CRYBA4: variants seen among roughly 807,000 people sequenced by gnomAD.
CRYBA4 encodes beta-crystallin A4.
A neutral mutation model predicts 31.7 loss-of-function variants in CRYBA4; 30 were observed. That is an observed-to-expected ratio of 0.95 (90% CI 0.71 to 1.28). The LOEUF (loss-of-function observed/expected upper bound fraction) is 1.28, where lower values mean the gene tolerates loss of function less well. CRYBA4 is among the 50% of genes most tolerant of loss of function. The pLI is 0.00. For missense variants in CRYBA4, 225 were observed against 260.7 expected (o/e 0.86, Z 0.94); for synonymous variants, 102 against 102.3 (o/e 1.00, Z 0.02).
rs908216207 is a variant in CRYBA4 at position 26,622,712 on chromosome 22, C to T, written c.39+77C>T. 4.7e-6 allele frequency: 5 copies of T among 1,074,738 alleles called. No homozygotes were observed. In the Admixed American group the frequency reaches 6.8e-5, roughly 15 times the overall value. 66.6% of individuals were successfully genotyped at this position (1,074,738 alleles called of 1,614,324 possible). ...GTCCCCATGAATCCTAGGAGGGGGG[C>T]ATTATAAATGCCTATTTCACAGAGG... On this transcript the variant is annotated intron_variant, in intron 2 of 5. Coordinates refer to ENST00000354760, the MANE Select transcript of CRYBA4 (RefSeq NM_001886.3).
the CRYBA4 span, among the ~76,000 whole-genome samples, chr22:26,606,420 T>C: frequency 6.6e-6 from 1 of 152,246 alleles, no homozygotes; most frequent in Non-Finnish European, 1.5e-5. Flanking sequence ...TTTACACTTA[T>C]GACACATCTC....
Position 26,628,318 on chromosome 22 carries a change from G to A in CRYBA4, c.331G>A (p.Glu111Lys), listed in dbSNP as rs140200694. 3.2e-5 allele frequency: 51 copies of A among 1,613,822 alleles called. No individual in the cohort carries two copies. Among genetic ancestry groups the A allele is most frequent in the East Asian group, 8.9e-5 (4 of 44,878 alleles). Residue 111 changes from glutamate to lysine, a missense_variant, in exon 5 of 6, where the codon GAG (glutamate) becomes AAG (lysine). Glu to Lys is a moderately conservative substitution (Grantham distance 56). Transcript: ENST00000354760. ...NHRDSRLTIF[E>K]QENFLGKKGE... ...CCGTGACTCGAGGCTGACAATCTTCGAGCAAGAGAACTTCCTGGGCAAGAA... is the reference window on the plus strand; with the variant it reads ...CCGTGACTCGAGGCTGACAATCTTCAAGCAAGAGAACTTCCTGGGCAAGAA...
the CRYBA4 span, chr22:26,612,220 C>G: frequency 6.7e-7 from 1 of 1,486,110 alleles, no homozygotes; most frequent in Non-Finnish European, 9.4e-7. Flanking sequence ...ATGCCAAGGG[C>G]AGAGTGAGGG....
At chr22:26,601,769 G>A in the CRYBA4 span, 1 of 1,556,606 alleles carries the variant, frequency 6.4e-7, no homozygotes, top group East Asian at 2.3e-5. Context: ...ACTGTGGAAG[G>A]GGCCATGGCC....
chr22:26,599,358 C>A, the CRYBA4 span: 12 of 817,436 alleles, frequency 1.5e-5, no homozygotes, highest in Non-Finnish European at 2.4e-5. Context: ...TATGGGGGAC[C>A]TCAAGGCACA....
At chr22:26,629,816 A>C (rs145853535) in intron 5 of CRYBA4, among the ~76,000 whole-genome samples, 1 of 150,916 alleles carries the variant, frequency 6.6e-6, no homozygotes, top group African/African-American at 2.4e-5. Flanking sequence ...GGAAGGAGGG[A>C]GAAAGGGGAA....
the CRYBA4 span, among the ~76,000 whole-genome samples, chr22:26,609,888 A>G: frequency 2.0e-5 from 3 of 152,198 alleles, no homozygotes; most frequent in Non-Finnish European, 4.4e-5. Flanking sequence ...ACTTTGTTGC[A>G]TCTACCTTGT....
chr22:26,605,735 G>C, the CRYBA4 span, among the ~76,000 whole-genome samples: 1 of 144,608 alleles, frequency 6.9e-6, no homozygotes, highest in African/African-American at 2.5e-5. Context: ...GGTTCAAGTA[G>C]AAGATGGTCA....
the CRYBA4 span, chr22:26,612,204 G>T: frequency 1.3e-6 from 2 of 1,582,752 alleles, no homozygotes; most frequent in Non-Finnish European, 1.7e-6. Flanking sequence ...CAGGAGAGAA[G>T]CCCCCATGCC....
At chr22:26,619,695 G>A (rs973735520), upstream of CRYBA4, among the ~76,000 whole-genome samples, 3 of 152,196 alleles carry the variant, frequency 2.0e-5, no homozygotes, top group African/African-American at 7.2e-5. Context: ...GCCAAGACTT[G>A]GTGGGTGGGG....
intron 3 of CRYBA4, 37 bp downstream of exon 3, chr22:26,623,389 G>A (rs757672469): frequency 6.7e-7 from 1 of 1,495,274 alleles, no homozygotes; most frequent in Non-Finnish European, 9.3e-7. Context: ...GGTAGAGGGT[G>A]GACAGGAAGG....
the CRYBA4 span, among the ~76,000 whole-genome samples, chr22:26,604,623 A>G: frequency 6.6e-6 from 1 of 152,162 alleles, no homozygotes; most frequent in Non-Finnish European, 1.5e-5. Flanking sequence ...GGTTGAGGGA[A>G]GGCACTGAGG....
chr22:26,601,510 C>A, the CRYBA4 span, among the ~76,000 whole-genome samples: 1 of 151,732 alleles, frequency 6.6e-6, no homozygotes, highest in South Asian at 2.1e-4. Context: ...TTCATTCTCC[C>A]AGAAGCTTCT....
chr22:26,613,412 C>A, the CRYBA4 span, among the ~76,000 whole-genome samples: 1 of 152,158 alleles, frequency 6.6e-6, no homozygotes, highest in East Asian at 1.9e-4. Context: ...AGTCAGGGAC[C>A]CCAAACGGAG....
At chr22:26,627,654 CTT>C (rs1433281691) in intron 4 of CRYBA4, among the ~76,000 whole-genome samples, 1 of 139,124 alleles carries the variant, frequency 7.2e-6, no homozygotes, top group Non-Finnish European at 1.5e-5. Context: ...CTCTTTCTTT[CTT>C]TCTTTCTTTT....
At chr22:26,630,261 G>A in intron 5 of CRYBA4, 79 bp from the exon 6 acceptor site, 1 of 1,574,854 alleles carries the variant, frequency 6.3e-7, no homozygotes, top group African/African-American at 1.3e-5. Flanking sequence ...GTGTGCGTGT[G>A]CATAGATCCC....
chr22:26,609,069 A>C, the CRYBA4 span, among the ~76,000 whole-genome samples: 1 of 152,172 alleles, frequency 6.6e-6, no homozygotes, highest in Non-Finnish European at 1.5e-5. Flanking sequence ...GAGACTAAGG[A>C]ACTCCTTGAC....
At chr22:26,608,612 C>T in the CRYBA4 span, among the ~76,000 whole-genome samples, 1 of 151,970 alleles carries the variant, frequency 6.6e-6, no homozygotes, top group Non-Finnish European at 1.5e-5. Context: ...TACTAGCCTT[C>T]CATTTGTAAA....
intron 4 of CRYBA4, among the ~76,000 whole-genome samples, chr22:26,627,051 C>A (rs562410000): frequency 3.6e-5 from 4 of 111,998 alleles, no homozygotes; most frequent in African/African-American, 1.0e-4. Context: ...ATTCTGCAAA[C>A]AGTCTAGATA....
Sources: allele counts gnomAD v4.1 joint callset (sites outside exome capture counted in the v4.1 genomes callset), GRCh38; gene constraint gnomAD v4.1.1; transcripts MANE v1.5; gene names NCBI Gene and HGNC (gene_info 2026-07-23, HGNC 2026-07-21).